Variants in SNX3 observed in about 807,000 individuals in gnomAD.
SNX3 encodes the protein sorting nexin-3.
In SNX3, 5 loss-of-function variants were observed where a neutral mutation model predicts 17.7. The observed-to-expected ratio is 0.28, with a 90% CI of 0.15 to 0.59. The LOEUF is 0.59. SNX3 is among the 20% of genes least tolerant of loss of function. The pLI, the probability that SNX3 is intolerant of heterozygous loss-of-function variation, is 0.88. For missense variants in SNX3, 132 were observed against 206.8 expected, an observed-to-expected ratio of 0.64 and a Z score of 2.22; for synonymous variants, 91 against 76.5, an observed-to-expected ratio of 1.19 and a Z score of -0.99.
At chr6:108,252,762 CCT>C (rs1380550135) in intron 1 of SNX3, among the ~76,000 whole-genome samples, 3 of 152,042 alleles carry the variant, frequency 2.0e-5, no homozygotes, top group East Asian at 1.9e-4. Context: ...GCCTCAGCCC[CCT>C]GAGTAGCTGG....
At chr6:108,244,647 GTTTTTTTTTTT>G (rs1021781550) in intron 1 of SNX3, among the ~76,000 whole-genome samples, 12 of 87,226 alleles carry the variant, frequency 1.4e-4, no homozygotes, top group African/African-American at 5.3e-4. Context: ...TAAGTAAGGA[GTTTTTTTTTTT>G]TTTTTTTTTT....
chr6:108,222,832 G>A lies in SNX3; in HGVS notation c.258+118C>T, dbSNP rs566363538. The A allele has an allele frequency of 2.2e-4, 157 of 703,834 alleles. 2 individuals carry two copies. In the African/African-American group the frequency reaches 2.7e-3, roughly 12 times the overall value. 43.6% of individuals were successfully genotyped at this position (703,834 alleles called of 1,614,324 possible). On this transcript the variant is annotated intron_variant, in intron 2 of 3. Transcript: ENST00000230085. ...TCTATAAAATGACACTGAACTATTT[G>A]AAAAAAAGAAATCATATTTGCTTTT...
chr6:108,212,531 T>A (rs951674817), intron 3 of SNX3, among the ~76,000 whole-genome samples: 8 of 151,946 alleles, frequency 5.3e-5, no homozygotes, highest in African/African-American at 1.9e-4. Flanking sequence ...AGAGACGGGG[T>A]TTCACCATGT....
intron 1 of SNX3, among the ~76,000 whole-genome samples, chr6:108,254,437 A>T (rs1023640236): frequency 6.6e-6 from 1 of 152,194 alleles, no homozygotes; most frequent in Non-Finnish European, 1.5e-5. Flanking sequence ...CGTGCACTCT[A>T]GCTTGGGCAA....
intron 3 of SNX3, among the ~76,000 whole-genome samples, chr6:108,214,230 C>T (rs908525585): frequency 6.6e-6 from 1 of 152,064 alleles, no homozygotes; most frequent in Non-Finnish European, 1.5e-5. Flanking sequence ...TTTTTAAATG[C>T]CGTAATTTTA....
chr6:108,255,975 A>G (rs1776016000), intron 1 of SNX3, among the ~76,000 whole-genome samples: 1 of 152,212 alleles, frequency 6.6e-6, no homozygotes, highest in Admixed American at 6.5e-5. Context: ...CACACCTATA[A>G]TCCTAGCAGT....
At chr6:108,229,343 T>A (rs117723523) in intron 1 of SNX3, among the ~76,000 whole-genome samples, 1 of 151,468 alleles carries the variant, frequency 6.6e-6, no homozygotes, top group South Asian at 2.1e-4. Context: ...CACGGAAGAA[T>A]TGACAATTGA....
At chr6:108,239,032 C>G (rs1173511254) in intron 1 of SNX3, among the ~76,000 whole-genome samples, 1 of 151,938 alleles carries the variant, frequency 6.6e-6, no homozygotes, top group African/African-American at 2.4e-5. Flanking sequence ...TCCCGAGTAG[C>G]TGGAATTACA....
intron 1 of SNX3, among the ~76,000 whole-genome samples, chr6:108,223,492 T>A (rs972856476): frequency 1.4e-5 from 2 of 138,556 alleles, no homozygotes; most frequent in Non-Finnish European, 3.1e-5. Context: ...AAAACTTTGC[T>A]AGTTCTTTTT....
chr6:108,224,558 G>A (rs1441076519), intron 1 of SNX3, among the ~76,000 whole-genome samples: 1 of 152,140 alleles, frequency 6.6e-6, no homozygotes, highest in Admixed American at 6.5e-5. Flanking sequence ...GGGATTACAG[G>A]CGTGAGCCAC....
At chr6:108,216,680 A>G (rs1774590508) in intron 2 of SNX3, among the ~76,000 whole-genome samples, 1 of 152,250 alleles carries the variant, frequency 6.6e-6, no homozygotes, top group South Asian at 2.1e-4. Context: ...ATTCAAAAAA[A>G]TTAAAACTTT....
intron 1 of SNX3, 84 bp from the exon 2 acceptor site, chr6:108,223,129 G>C (rs1481450978): frequency 2.9e-6 from 2 of 694,774 alleles, no homozygotes; most frequent in Non-Finnish European, 5.0e-6. Context: ...CAAAACAAAA[G>C]AAATCATGAC....
chr6:108,231,895 T>A (rs1198109689), intron 1 of SNX3, among the ~76,000 whole-genome samples: 1 of 152,200 alleles, frequency 6.6e-6, no homozygotes, highest in Non-Finnish European at 1.5e-5. Context: ...ACCGATGTAT[T>A]AAGTACAGAA....
At chr6:108,234,651 C>T (rs746838765) in intron 1 of SNX3, among the ~76,000 whole-genome samples, 2 of 152,150 alleles carry the variant, frequency 1.3e-5, no homozygotes, top group African/African-American at 4.8e-5. Context: ...TACATATTGA[C>T]TTGTAGATAC....
intron 1 of SNX3, 141 bp downstream of exon 1, chr6:108,260,619 C>T (rs2114780081): frequency 4.4e-6 from 4 of 913,282 alleles, no homozygotes; most frequent in Non-Finnish European, 6.6e-6. Context: ...GGGGCCCTGG[C>T]TCACGACCCC....
At chr6:108,257,471 C>T (rs945125933) in intron 1 of SNX3, among the ~76,000 whole-genome samples, 3 of 152,112 alleles carry the variant, frequency 2.0e-5, no homozygotes, top group Non-Finnish European at 2.9e-5. Context: ...CACAATCATG[C>T]CACTGTGTTC....
At chr6:108,214,654 T>C (rs776991661) in intron 2 of SNX3, 32 bp from the exon 3 acceptor site, 3 of 1,601,086 alleles carry the variant, frequency 1.9e-6, no homozygotes, top group Non-Finnish European at 2.6e-6. Flanking sequence ...TCCTTGATCA[T>C]GATGACTGGG....
intron 1 of SNX3, 28 bp downstream of exon 1, chr6:108,260,732 T>C (rs759125528): frequency 3.7e-6 from 6 of 1,613,034 alleles, no homozygotes; most frequent in Non-Finnish European, 5.1e-6. Flanking sequence ...GGGAGGGGTT[T>C]CTTGGGAGAG....
intron 1 of SNX3, among the ~76,000 whole-genome samples, chr6:108,251,339 T>C (rs867653311): frequency 1.3e-5 from 2 of 152,170 alleles, no homozygotes; most frequent in Non-Finnish European, 2.9e-5. Context: ...CAGTGTAGCT[T>C]AAAGCCATAT....
Sources: gnomAD v4.1 joint callset for allele counts (sites outside exome capture counted in the v4.1 genomes callset) on GRCh38, gnomAD v4.1.1 for gene constraint, MANE v1.5 for transcripts, NCBI Gene and HGNC (gene_info 2026-07-23, HGNC 2026-07-21) for gene names.